CTNND2: variants seen among roughly 807,000 people sequenced by gnomAD.
CTNND2 encodes the protein catenin delta 2.
Under a neutral mutation model 144.4 loss-of-function variants are expected in CTNND2, and 22 were observed. The observed-to-expected ratio is 0.15, with a 90% confidence interval of 0.11 to 0.22. CTNND2 has a LOEUF of 0.22. Ranked by LOEUF, CTNND2 falls within the 10% of genes least tolerant of loss-of-function variation. The pLI is 1.00. For missense variants in CTNND2, 1,353 were observed against 1,618.8 expected, an observed-to-expected ratio of 0.84 and a Z score of 2.82; for synonymous variants, 751 against 695.6, an observed-to-expected ratio of 1.08 and a Z score of -1.25.
intron 9 of CTNND2, among the ~76,000 whole-genome samples, chr5:11,261,365 AC>A (rs1744841256): frequency 1.3e-5 from 2 of 152,168 alleles, no homozygotes; most frequent in Admixed American, 1.3e-4. Flanking sequence ...CTGAGAGAAT[AC>A]TTTATTTGTT....
intron 1 of CTNND2, among the ~76,000 whole-genome samples, chr5:11,779,106 T>A (rs1790407696): frequency 6.6e-6 from 1 of 152,210 alleles, no homozygotes; most frequent in Admixed American, 6.5e-5. Flanking sequence ...AGCGTCCTCA[T>A]GCATGACGCA....
At chr5:11,848,504 T>C (rs1334448106) in intron 1 of CTNND2, among the ~76,000 whole-genome samples, 1 of 152,172 alleles carries the variant, frequency 6.6e-6, no homozygotes, top group Non-Finnish European at 1.5e-5. Context: ...CTGGTAATGG[T>C]GTAGATCTTT....
chr5:10,976,123 G>GTA (rs1476677406), intron 21 of CTNND2, among the ~76,000 whole-genome samples: 1 of 152,182 alleles, frequency 6.6e-6, no homozygotes, highest in Non-Finnish European at 1.5e-5. Context: ...GCTCACTGTG[G>GTA]TATTTGCTCT....
At position 11,903,263 on chromosome 5, in the gene CTNND2, C is replaced by G. The variant is rs1238693705; in HGVS notation, c.37+554G>C. On this transcript the variant is annotated intron_variant, in intron 1 of 21. Transcript: ENST00000304623. The surrounding 1 kb of genome is among the most constrained non-coding windows in gnomAD (Gnocchi z 5.4). Reference sequence around the variant, plus strand: ...CTGTGAAGCCGGCTGCAAAGGCTTGCTGGGAAGCCGCTAAATATAGACCAA... The same window carrying G: ...CTGTGAAGCCGGCTGCAAAGGCTTGGTGGGAAGCCGCTAAATATAGACCAA... The G allele has an allele frequency of 1.0e-6, 1 of 985,368 alleles. No individual in the cohort carries two copies. Among genetic ancestry groups the G allele is most frequent in the Non-Finnish European group, 1.2e-6 (1 of 829,996 alleles). 61.0% of individuals were successfully genotyped at this position (985,368 alleles called of 1,614,324 possible).
At chr5:11,070,641 C>T (rs868667179) in intron 16 of CTNND2, among the ~76,000 whole-genome samples, 3 of 152,100 alleles carry the variant, frequency 2.0e-5, no homozygotes, top group South Asian at 2.1e-4. Context: ...ACTGACTTCT[C>T]ATCAAAAGCA....
chr5:11,441,495 C>T (rs1451504684), intron 3 of CTNND2, among the ~76,000 whole-genome samples: 1 of 150,722 alleles, frequency 6.6e-6, no homozygotes, highest in Non-Finnish European at 1.5e-5. Flanking sequence ...TCTCCTGCCT[C>T]AGCCTCCTGA....
At chr5:11,639,897 G>A (rs1164851513) in intron 2 of CTNND2, among the ~76,000 whole-genome samples, 1 of 152,132 alleles carries the variant, frequency 6.6e-6, no homozygotes, top group East Asian at 1.9e-4. Context: ...AAAACTCAAG[G>A]CCTGTCTTAA....
intron 2 of CTNND2, among the ~76,000 whole-genome samples, chr5:11,677,269 T>C (rs1784219267): frequency 1.3e-5 from 2 of 152,192 alleles, no homozygotes; most frequent in Admixed American, 6.5e-5. Context: ...CCTCATCATA[T>C]CTTGCCCAAA....
intron 10 of CTNND2, among the ~76,000 whole-genome samples, chr5:11,223,504 C>A (rs1430301740): frequency 6.6e-6 from 1 of 152,186 alleles, no homozygotes; most frequent in Non-Finnish European, 1.5e-5. Context: ...TCTCCTAGTT[C>A]TCCTGTTAAA....
chr5:11,551,439 T>C (rs1306113627), intron 3 of CTNND2, among the ~76,000 whole-genome samples: 7 of 88,242 alleles, frequency 7.9e-5, no homozygotes, highest in Non-Finnish European at 1.4e-4. Context: ...TTTCTTTTTT[T>C]TTTTTTTTTT....
chr5:11,903,783 C>A lies in CTNND2; in HGVS notation c.37+34G>T, dbSNP rs1312663392. On this transcript the variant is annotated intron_variant, in intron 1 of 21. Coordinates refer to ENST00000304623, the MANE Select transcript of CTNND2 (RefSeq NM_001332.4). This position sits in a 1 kb window ranked among gnomAD's most constrained non-coding sequence, Gnocchi z 5.4. ...GGAGGACGGCGCCGGGAGGAGGCTG[C>A]GCCCGGCCCCGGCCGCCCAGCCCCG... The A allele has an allele frequency of 3.3e-5, 49 of 1,473,212 alleles. No individual in the cohort carries two copies. The highest frequency in any genetic ancestry group is 4.1e-5 in the Non-Finnish European group (46 of 1,118,970). The allele number at this position is 1,473,212 out of a possible 1,614,324, so 91.3% of individuals were successfully genotyped here. A position where few individuals can be genotyped will look rare whatever the true frequency, so the allele number is the denominator to read the frequency against.
In CTNND2 at chr5:11,585,412, AAAT is replaced by A. The variant is rs1187641746; in HGVS notation, c.175-20359_175-20357del. ...ACACTGTATATTTGATGTTAGAAAA[AAAT>A]GTATTTTTTCTAACACACTATATTT... On this transcript the variant is annotated intron_variant, in intron 2 of 21. Transcript: ENST00000304623. Among the ~76,000 whole-genome samples, 14 of 152,192 alleles carry A rather than the reference AAAT, an allele frequency of 9.2e-5. No homozygotes were observed. In the East Asian group the frequency reaches 2.7e-3, roughly 29 times the overall value.
rs2150054224 is a variant in CTNND2, at chr5:11,312,300, T to C, written c.1628+34072A>G. Among the ~76,000 whole-genome samples, 2 of 150,168 alleles carry C rather than the reference T, an allele frequency of 1.3e-5. 1 individual carries two copies. The highest frequency in any genetic ancestry group is 4.3e-4 in the South Asian group (2 of 4,682). ...CCCCCCAACACACATACTCCCTGTA[T>C]TAGTCTGTTTTCATGCTGCTGATAA... is the stretch of plus-strand genomic sequence containing the variant. On this transcript the variant is annotated intron_variant, in intron 9 of 21. Transcript: ENST00000304623.
At chr5:11,273,902 T>C (rs766758745) in intron 9 of CTNND2, among the ~76,000 whole-genome samples, 12 of 152,178 alleles carry the variant, frequency 7.9e-5, no homozygotes, top group Non-Finnish European at 1.5e-4. Context: ...TTTGAGATAT[T>C]AAGATTTTAA....
At chr5:11,832,366 G>T (rs1245313929) in intron 1 of CTNND2, among the ~76,000 whole-genome samples, 1 of 151,982 alleles carries the variant, frequency 6.6e-6, no homozygotes, top group African/African-American at 2.4e-5. Flanking sequence ...GGCACAGTCT[G>T]GGAGAAGATA....
intron 1 of CTNND2, among the ~76,000 whole-genome samples, chr5:11,894,374 AAAC>A (rs766856810): frequency 3.3e-5 from 5 of 152,336 alleles, no homozygotes; most frequent in Admixed American, 2.0e-4. Flanking sequence ...TGGTATGAAG[AAAC>A]AACAAGAATT....
intron 1 of CTNND2, among the ~76,000 whole-genome samples, chr5:11,781,311 G>C (rs1043108595): frequency 1.3e-5 from 2 of 152,130 alleles, no homozygotes; most frequent in African/African-American, 4.8e-5. Flanking sequence ...CCAATTTCAT[G>C]CTGCGATTTT....
intron 13 of CTNND2, among the ~76,000 whole-genome samples, chr5:11,116,264 T>C (rs1030031403): frequency 1.3e-5 from 2 of 152,156 alleles, no homozygotes; most frequent in Non-Finnish European, 2.9e-5. Flanking sequence ...GCAGGACATG[T>C]GGCAATGTCT....
At chr5:11,296,578 C>G (rs1027798339) in intron 9 of CTNND2, among the ~76,000 whole-genome samples, 4 of 152,254 alleles carry the variant, frequency 2.6e-5, no homozygotes, top group East Asian at 1.9e-4. Flanking sequence ...GACTTGGAAC[C>G]AACCCAAATG....
Sources: allele counts gnomAD v4.1 joint callset (sites outside exome capture counted in the v4.1 genomes callset), GRCh38; gene constraint gnomAD v4.1.1; non-coding constraint Gnocchi (gnomAD v3.1); transcripts MANE v1.5; gene names NCBI Gene and HGNC (gene_info 2026-07-23, HGNC 2026-07-21).